ZNF549: variants seen among roughly 807,000 people sequenced by gnomAD.
ZNF549 encodes the protein zinc finger protein 549.
In ZNF549, 11 loss-of-function variants were observed where a neutral mutation model predicts 11.1. The observed-to-expected ratio is 0.99, with a 90% CI of 0.62 to 1.64. The LOEUF is 1.64. Among genes scored for constraint, ZNF549 ranks in the 40% most tolerant of loss-of-function variants. The probability of loss-of-function intolerance (pLI) is 0.00; values close to 1 mark genes in which losing one functional copy is unlikely to be tolerated. For synonymous variants in ZNF549, 266 were observed against 269.1 expected (o/e 0.99, Z 0.11); for missense variants, 748 against 765.1 (o/e 0.98, Z 0.26).
At chr19:57,535,020 C>T in intron 2 of ZNF549, 124 bp from the exon 3 acceptor site, 3 of 1,292,424 alleles carry the variant, frequency 2.3e-6, no homozygotes, top group Non-Finnish European at 3.2e-6. Flanking sequence ...AGGCCCAGAG[C>T]CCAGTGGGAG....
chr19:57,530,106 A>G lies in ZNF549; in HGVS notation c.34-964A>G, dbSNP rs529449196. On this transcript the variant is annotated intron_variant, in intron 1 of 3. Coordinates refer to ENST00000376233, the MANE Select transcript of ZNF549 (RefSeq NM_001199295.2). ...AAGACTTCTATACTTGAGTTTTATG[A>G]GATGGCTTAGGGTGAGCAGACAAGG... Among the ~76,000 whole-genome samples, 286 of 152,306 alleles carry G rather than the reference A, an allele frequency of 1.9e-3. 2 individuals carry two copies. The highest frequency in any genetic ancestry group is 2.5e-3 in the Non-Finnish European group (168 of 68,024).
intron 3 of ZNF549, 113 bp from the exon 4 acceptor site, chr19:57,537,091 C>T: frequency 5.4e-6 from 7 of 1,289,992 alleles, no homozygotes; most frequent in Non-Finnish European, 7.4e-6. Context: ...AAGACCCTAT[C>T]TCAAAGAAAA....
Position 57,539,351 on chromosome 19 carries a change from T to G in ZNF549, c.*424T>G, listed in dbSNP as rs1292302138. 1 of 159,074 alleles carries G rather than the reference T, an allele frequency of 6.3e-6. No homozygotes were observed. Among genetic ancestry groups the G allele is most frequent in the Non-Finnish European group, 1.4e-5 (1 of 71,870 alleles). The allele number at this position is 159,074 out of a possible 1,614,324, so 9.9% of individuals were successfully genotyped here. A position where few individuals can be genotyped will look rare whatever the true frequency, so the allele number is the denominator to read the frequency against. On this transcript the variant is annotated 3_prime_UTR_variant, in exon 4 of 4. Transcript: ENST00000376233. ...GGAGGTTTACCTTCTTCATAGGTTT[T>G]TTTTTTTTTTATGTGATTGCCATAG...
At chr19:57,536,978 C>G (rs894126547) in intron 3 of ZNF549, among the ~76,000 whole-genome samples, 1 of 152,074 alleles carries the variant, frequency 6.6e-6, no homozygotes, top group African/African-American at 2.4e-5. Context: ...TGCCTGTAGT[C>G]CTAGCTACTT....
rs201127570 is a variant in ZNF549, at chr19:57,527,564, C to T, written c.-10C>T. On this transcript the variant is annotated 5_prime_UTR_variant, in exon 1 of 4. Transcript: ENST00000376233. ...CCCGCCTTTCCAGGCCCCGCCCCGC[C>T]TAAAGTCCCATGGCCGAGGCAGCGC... 3.1e-6 allele frequency: 5 copies of T among 1,613,508 alleles called. No individual in the cohort carries two copies. The highest frequency in any genetic ancestry group is 2.7e-5 in the African/African-American group (2 of 74,936).
At position 57,537,361 on chromosome 19, in the gene ZNF549, C is replaced by T. The variant is rs781061788; in HGVS notation, c.357C>T (p.Leu119=). 1.1e-5 allele frequency: 18 copies of T among 1,614,196 alleles called. No individual in the cohort carries two copies. The highest frequency in any genetic ancestry group is 1.4e-5 in the Non-Finnish European group (17 of 1,180,042). Reference sequence around the variant, plus strand: ...TGGTCATGAAAGACATTTTGTACCTCAGTGAGCATCAGGGGACACTTCCCT... The same window carrying T: ...TGGTCATGAAAGACATTTTGTACCTTAGTGAGCATCAGGGGACACTTCCCT... ...CILVMKDILY[L]SEHQGTLPWQ... Residue 119 remains leucine, a synonymous_variant, in exon 4 of 4, where the codon CTC becomes CTT. Transcript: ENST00000376233.
In ZNF549 at chr19:57,538,010, G is replaced by T; in HGVS notation, c.1006G>T (p.Val336Leu). The T allele has an allele frequency of 3.1e-6, 5 of 1,613,742 alleles. No homozygotes were observed. Among genetic ancestry groups the T allele is most frequent in the Non-Finnish European group, 4.2e-6 (5 of 1,179,934 alleles). ...HNGEKPYVCN[V>L]CGKSFRHKQT... ...TGGAGAAAAGCCTTATGTGTGCAAT[G>T]TATGTGGGAAATCATTCCGCCACAA... The change falls in exon 4 of 4, where the codon GTA becomes TTA. Residue 336 changes from valine to leucine, a missense_variant. Transcript: ENST00000376233.
At chr19:57,530,279 C>T (rs2089898571) in intron 1 of ZNF549, among the ~76,000 whole-genome samples, 1 of 152,124 alleles carries the variant, frequency 6.6e-6, no homozygotes, top group Non-Finnish European at 1.5e-5. Flanking sequence ...ACAATGAGTT[C>T]TAGAAGCTTC....
At position 57,539,737 on chromosome 19, in the gene ZNF549, T is replaced by A. The variant is rs2123321071; in HGVS notation, c.*810T>A. ...ATTTCCCAGCACTGTTCATGGTATC[T>A]TATTTCCCAGGTCCTTCATTGTAGC... On this transcript the variant is annotated 3_prime_UTR_variant, in exon 4 of 4. Coordinates refer to ENST00000376233, the MANE Select transcript of ZNF549 (RefSeq NM_001199295.2). 6.6e-6 allele frequency: 1 copy of A among 152,302 alleles called. No individual in the cohort carries two copies. Among genetic ancestry groups the A allele is most frequent in the Non-Finnish European group, 1.5e-5 (1 of 68,028 alleles). 9.4% of individuals were successfully genotyped at this position (152,302 alleles called of 1,614,324 possible).
chr19:57,534,422 C>T (rs184767052), intron 2 of ZNF549, among the ~76,000 whole-genome samples: 39 of 152,260 alleles, frequency 2.6e-4, no homozygotes, highest in Admixed American at 6.5e-4. Flanking sequence ...TAAGTAGTTT[C>T]AGACGGTGTG....
At position 57,527,397 on chromosome 19, in the gene ZNF549, C is replaced by T. The variant is rs1441636029; in HGVS notation, c.-177C>T. ...AGCGCGTCCGCGGGCTGGGCGTTTC[C>T]GGCTCGCTGGGTCCGGGCCAGGTAA... On this transcript the variant is annotated 5_prime_UTR_variant, in exon 1 of 4. Transcript: ENST00000376233. The T allele has an allele frequency of 2.3e-6, 2 of 882,782 alleles. No homozygotes were observed. Among genetic ancestry groups the T allele is most frequent in the Non-Finnish European group, 3.5e-6 (2 of 569,286 alleles). The allele number at this position is 882,782 out of a possible 1,614,324, so 54.7% of individuals were successfully genotyped here. A position where few individuals can be genotyped will look rare whatever the true frequency, so the allele number is the denominator to read the frequency against.
In ZNF549 at chr19:57,538,959, CTG is replaced by C; in HGVS notation, c.*34_*35del. On this transcript the variant is annotated 3_prime_UTR_variant, in exon 4 of 4. Transcript: ENST00000376233. ...TTGGGATGTGTAATTGTCTTATTCA[CTG>C]TAGGACACCAGAGAGCTGATTTTTC... The C allele has an allele frequency of 1.3e-6, 2 of 1,562,508 alleles. No individual in the cohort carries two copies. The highest frequency in any genetic ancestry group is 1.7e-6 in the Non-Finnish European group (2 of 1,160,522).
rs1715142793 is a variant in ZNF549, at chr19:57,540,866, C to G, written c.*1939C>G. On this transcript the variant is annotated 3_prime_UTR_variant, in exon 4 of 4. Transcript: ENST00000376233. The stretch of plus-strand genomic sequence containing the variant: ...CATTCAGTCTTCCAAATGAAATGTT[C>G]TTAATTTTGATGAAGTCTAATTTGT... 6.6e-6 allele frequency: 1 copy of G among 152,100 alleles called. No homozygotes were observed. The highest frequency in any genetic ancestry group is 2.4e-5 in the African/African-American group (1 of 41,408). 9.4% of individuals were successfully genotyped at this position (152,100 alleles called of 1,614,324 possible). A position where few individuals can be genotyped will look rare whatever the true frequency, so the allele number is the denominator to read the frequency against.
chr19:57,532,937 C>G (rs1325115159), intron 2 of ZNF549, among the ~76,000 whole-genome samples: 1 of 152,156 alleles, frequency 6.6e-6, no homozygotes, highest in Non-Finnish European at 1.5e-5. Flanking sequence ...GCTAAGGATT[C>G]TTGTATCTTT....
intron 2 of ZNF549, among the ~76,000 whole-genome samples, chr19:57,532,517 G>A (rs2089908237): frequency 6.6e-6 from 1 of 152,176 alleles, no homozygotes; most frequent in South Asian, 2.1e-4. Flanking sequence ...ATGAAAAGAA[G>A]GGGAGGTTGT....
chr19:57,537,355 G>A lies in ZNF549; in HGVS notation c.351G>A (p.Leu117=), dbSNP rs756056942. ...GTATCCTGGTCATGAAAGACATTTT[G>A]TACCTCAGTGAGCATCAGGGGACAC... ...EMCILVMKDI[L]YLSEHQGTLP... Residue 117 remains leucine, a synonymous_variant, in exon 4 of 4, where the codon TTG becomes TTA. Coordinates refer to ENST00000376233, the MANE Select transcript of ZNF549 (RefSeq NM_001199295.2). 6.2e-7 allele frequency: 1 copy of A among 1,614,162 alleles called. No homozygotes were observed. The highest frequency in any genetic ancestry group is 1.1e-5 in the South Asian group (1 of 91,082).
chr19:57,533,628 G>C (rs1205400994), intron 2 of ZNF549, among the ~76,000 whole-genome samples: 1 of 152,160 alleles, frequency 6.6e-6, no homozygotes. Flanking sequence ...TGAATTTTCA[G>C]CTCACAGAAT....
intron 3 of ZNF549, 56 bp from the exon 4 acceptor site, chr19:57,537,148 G>A: frequency 2.6e-6 from 4 of 1,549,506 alleles, no homozygotes; most frequent in Non-Finnish European, 3.5e-6. Context: ...TTGTAATGGA[G>A]CTGTTCCCTT....
chr19:57,528,307 ATAG>A lies in ZNF549; in HGVS notation c.33+705_33+707del, dbSNP rs1369829942. ...TGGTGAGGGAGCAGGTTTCAGGGAAATAGTAGGAGTTGAATTTTGGACGTGGTG... is the reference window on the plus strand; with the variant it reads ...TGGTGAGGGAGCAGGTTTCAGGGAAATAGGAGTTGAATTTTGGACGTGGTG... On this transcript the variant is annotated intron_variant, in intron 1 of 3. Coordinates refer to ENST00000376233, the MANE Select transcript of ZNF549 (RefSeq NM_001199295.2). 7.9e-5 allele frequency among the ~76,000 whole-genome samples: 12 copies of A among 152,192 alleles called. No individual in the cohort carries two copies. The East Asian group carries it at 2.1e-3, about 27-fold the overall frequency.
Sources: gnomAD v4.1 joint callset for allele counts (sites outside exome capture counted in the v4.1 genomes callset) on GRCh38, gnomAD v4.1.1 for gene constraint, MANE v1.5 for transcripts, NCBI Gene and HGNC (gene_info 2026-07-23, HGNC 2026-07-21) for gene names.